Variants in ARHGEF28 observed in about 807,000 individuals in gnomAD.
The protein encoded by ARHGEF28 is 190 kDa guanine nucleotide exchange factor.
In ARHGEF28, 152 loss-of-function variants were observed where a neutral mutation model predicts 206.6. The ratio of observed to expected loss-of-function variants is 0.74; its 90% CI spans 0.64 to 0.84. The LOEUF (loss-of-function observed/expected upper bound fraction) is 0.84. ARHGEF28 is among the 40% of genes least tolerant of loss of function. The pLI is 0.00. For synonymous variants in ARHGEF28, 763 were observed against 776.4 expected (o/e 0.98, Z 0.29); for missense variants, 2,028 against 2,073.2 (o/e 0.98, Z 0.42).
At chr5:73,677,694 A>T (rs953663365) in intron 1 of ARHGEF28, among the ~76,000 whole-genome samples, 17 of 152,292 alleles carry the variant, frequency 1.1e-4, no homozygotes, top group Non-Finnish European at 7.4e-5. Flanking sequence ...CTGTATCTTG[A>T]TGTTCTTTTT....
intron 2 of ARHGEF28, among the ~76,000 whole-genome samples, chr5:73,749,361 T>C (rs1393291903): frequency 6.6e-6 from 1 of 152,162 alleles, no homozygotes; most frequent in African/African-American, 2.4e-5. Flanking sequence ...GATGTTCAGC[T>C]GGTAGAAATT....
chr5:73,730,130 AG>A (rs761687202), intron 2 of ARHGEF28, among the ~76,000 whole-genome samples: 11 of 152,224 alleles, frequency 7.2e-5, no homozygotes, highest in Admixed American at 1.3e-4. Flanking sequence ...TATTACTTAT[AG>A]TTTGTGGTTA....
chr5:73,940,409 C>T (rs936386045), intron 35 of ARHGEF28, among the ~76,000 whole-genome samples: 2 of 152,158 alleles, frequency 1.3e-5, no homozygotes, highest in East Asian at 1.9e-4. Flanking sequence ...TTGACCACAT[C>T]AGTAAAGTGC....
intron 1 of ARHGEF28, among the ~76,000 whole-genome samples, chr5:73,676,837 T>G (rs1384592985): frequency 6.6e-6 from 1 of 152,190 alleles, no homozygotes; most frequent in Non-Finnish European, 1.5e-5. Context: ...TTCCCAGTAG[T>G]TTTCCTTCAG....
chr5:73,704,721 G>A (rs192811155), intron 2 of ARHGEF28, among the ~76,000 whole-genome samples: 66 of 152,134 alleles, frequency 4.3e-4, no homozygotes, highest in African/African-American at 1.2e-3. Context: ...CACCACACCC[G>A]CCCATTACTA....
At chr5:73,703,537 A>G (rs1748722528) in intron 2 of ARHGEF28, among the ~76,000 whole-genome samples, 1 of 152,040 alleles carries the variant, frequency 6.6e-6, no homozygotes, top group Non-Finnish European at 1.5e-5. Flanking sequence ...GTCACCTGCT[A>G]CCTTCAAGGA....
chr5:73,635,364 A>T (rs1046390009), intron 1 of ARHGEF28, among the ~76,000 whole-genome samples: 13 of 149,970 alleles, frequency 8.7e-5, no homozygotes, highest in Middle Eastern at 3.2e-3. Flanking sequence ...AAAGAAAGCC[A>T]TTTTTTTTTT....
chr5:73,763,291 A>G (rs774206474), intron 4 of ARHGEF28, among the ~76,000 whole-genome samples: 5 of 152,280 alleles, frequency 3.3e-5, no homozygotes, highest in Non-Finnish European at 7.3e-5. Context: ...GAAGGAAAGG[A>G]TGAAATCATC....
chr5:73,885,507 C>T lies in ARHGEF28; in HGVS notation c.3056-343C>T, dbSNP rs186534807. Among the ~76,000 whole-genome samples, 7 of 146,842 alleles carry T rather than the reference C, an allele frequency of 4.8e-5. 1 individual carries two copies. In the East Asian group the frequency reaches 1.2e-3, roughly 25 times the overall value. ...TTTTTTTTTCTTCGAGACAGAGTCT[C>T]ACTCTGTCTCGTAGGCTGGAGTGGA... On this transcript the variant is annotated intron_variant, in intron 24 of 35. Transcript: ENST00000513042.
intron 13 of ARHGEF28, among the ~76,000 whole-genome samples, chr5:73,851,503 C>T (rs1482745750): frequency 6.6e-6 from 1 of 151,030 alleles, no homozygotes; most frequent in Non-Finnish European, 1.5e-5. Flanking sequence ...TCCCTTTGGT[C>T]TATTATAGAT....
chr5:73,737,449 TTTCTTTTCTTTTC>T (rs1751024968), intron 2 of ARHGEF28, among the ~76,000 whole-genome samples: 1 of 33,812 alleles, frequency 3.0e-5, no homozygotes, highest in Non-Finnish European at 5.3e-5. Context: ...CTTCTTTTCT[TTTCTTTTCTTTTC>T]TTTTCTTTTC....
At chr5:73,830,614 G>A (rs1180881124) in intron 9 of ARHGEF28, among the ~76,000 whole-genome samples, 1 of 151,066 alleles carries the variant, frequency 6.6e-6, no homozygotes, top group Non-Finnish European at 1.5e-5. Flanking sequence ...GTTTCCTCCA[G>A]AAGCTTAATG....
At chr5:73,915,219 T>C (rs1028966759) in intron 35 of ARHGEF28, among the ~76,000 whole-genome samples, 18 of 152,328 alleles carry the variant, frequency 1.2e-4, no homozygotes, top group African/African-American at 3.8e-4. Context: ...TTTGGATTAC[T>C]GTGGCCAACT....
chr5:73,717,818 G>T (rs750498910), intron 2 of ARHGEF28, among the ~76,000 whole-genome samples: 24 of 152,290 alleles, frequency 1.6e-4, no homozygotes, highest in Admixed American at 3.9e-4. Context: ...AACTGTTGCT[G>T]TTGGACATGG....
intron 14 of ARHGEF28, among the ~76,000 whole-genome samples, chr5:73,853,250 G>A (rs1280278829): frequency 6.6e-6 from 1 of 152,230 alleles, no homozygotes; most frequent in East Asian, 1.9e-4. Context: ...AGCTTGGGAA[G>A]CAGACCAGTG....
chr5:73,929,274 A>G (rs1357350524), intron 35 of ARHGEF28, among the ~76,000 whole-genome samples: 1 of 152,068 alleles, frequency 6.6e-6, no homozygotes, highest in African/African-American at 2.4e-5. Flanking sequence ...TTTCTTCTAG[A>G]CTCCTACCCC....
intron 10 of ARHGEF28, among the ~76,000 whole-genome samples, chr5:73,833,892 C>A (rs895809349): frequency 1.3e-5 from 2 of 152,052 alleles, no homozygotes; most frequent in East Asian, 3.9e-4. Flanking sequence ...AAAACCACCC[C>A]CCATGATTCA....
intron 18 of ARHGEF28, 115 bp from the exon 19 acceptor site, chr5:73,867,761 A>G (rs1177540286): frequency 2.9e-6 from 4 of 1,356,130 alleles, no homozygotes; most frequent in African/African-American, 1.4e-5. Context: ...AAGGCAGAGC[A>G]TGCATCAGAT....
intron 9 of ARHGEF28, among the ~76,000 whole-genome samples, chr5:73,829,191 A>G (rs1757132757): frequency 6.6e-6 from 1 of 152,218 alleles, no homozygotes; most frequent in African/African-American, 2.4e-5. Flanking sequence ...GTCCACAAAC[A>G]CAAAGATGAC....
Sources: allele counts gnomAD v4.1 joint callset (sites outside exome capture counted in the v4.1 genomes callset), GRCh38; gene constraint gnomAD v4.1.1; transcripts MANE v1.5; gene names NCBI Gene and HGNC (gene_info 2026-07-23, HGNC 2026-07-21).